The following SCML4 variants were observed in gnomAD, a reference collection of about 807,000 sequenced individuals.
The protein encoded by SCML4 is Scm polycomb group protein like 4.
Under a neutral mutation model 41.1 loss-of-function variants are expected in SCML4, and 34 were observed. The ratio of observed to expected loss-of-function variants is 0.83; its 90% CI spans 0.63 to 1.10. The LOEUF (loss-of-function observed/expected upper bound fraction) is 1.10, where lower values mean the gene tolerates loss of function less well. SCML4 is among the 50% of genes least tolerant of loss of function. The pLI is 0.00. For synonymous variants in SCML4, 214 were observed against 220.9 expected, an observed-to-expected ratio of 0.97 and a Z score of 0.28; for missense variants, 522 against 534.1, an observed-to-expected ratio of 0.98 and a Z score of 0.22.
At chr6:107,804,395 G>C (rs1371037067) in intron 1 of SCML4, among the ~76,000 whole-genome samples, 1 of 152,152 alleles carries the variant, frequency 6.6e-6, no homozygotes, top group East Asian at 1.9e-4. Context: ...TGGGATCCAG[G>C]TCTCCATTCT....
At chr6:107,761,640 T>C (rs1779605981) in intron 2 of SCML4, among the ~76,000 whole-genome samples, 1 of 152,050 alleles carries the variant, frequency 6.6e-6, no homozygotes. Flanking sequence ...TTGCATCATG[T>C]TGGCCAGGCT....
intron 3 of SCML4, 122 bp from the exon 4 acceptor site, chr6:107,747,011 CAAGGGCAAAAGTGGGGTGGATT>C: frequency 3.9e-6 from 3 of 765,762 alleles, no homozygotes; most frequent in Non-Finnish European, 6.2e-6. Context: ...GGAAAGCTGG[CAAGGGCAAAAGTGGGGTGGATT>C]CTTCCCAACT....
intron 1 of SCML4, among the ~76,000 whole-genome samples, chr6:107,779,073 C>T (rs368317374): frequency 2.0e-5 from 3 of 151,800 alleles, no homozygotes; most frequent in East Asian, 3.9e-4. Context: ...CCAGCTACTC[C>T]GGAGGCTGAG....
the SCML4 span, among the ~76,000 whole-genome samples, chr6:107,837,925 TGAGA>T: frequency 7.7e-6 from 1 of 129,160 alleles, no homozygotes; most frequent in Non-Finnish European, 1.7e-5. Context: ...TTTTTTTTTT[TGAGA>T]TGGAGTTTTG....
chr6:107,755,467 C>T (rs1221780325), intron 2 of SCML4: 2 of 280,508 alleles, frequency 7.1e-6, no homozygotes, highest in African/African-American at 2.3e-5. Flanking sequence ...AAGGGAGTCA[C>T]CCATGATTTT....
the SCML4 span, among the ~76,000 whole-genome samples, chr6:107,833,752 GA>G: frequency 6.6e-6 from 1 of 152,110 alleles, no homozygotes; most frequent in Non-Finnish European, 1.5e-5. Flanking sequence ...CTAAAAATTA[GA>G]AAAAAATTTT....
At chr6:107,785,573 G>A (rs1781824438) in intron 1 of SCML4, among the ~76,000 whole-genome samples, 1 of 152,214 alleles carries the variant, frequency 6.6e-6, no homozygotes, top group Admixed American at 6.5e-5. Context: ...CATGCTCAGA[G>A]AGGATCACAG....
At chr6:107,806,195 C>CCA (rs1554223509) in intron 1 of SCML4, among the ~76,000 whole-genome samples, 1 of 151,462 alleles carries the variant, frequency 6.6e-6, no homozygotes, top group African/African-American at 2.4e-5. Flanking sequence ...TTCCCCCCCC[C>CCA]CAATAAACAA....
At chr6:107,705,544 C>T (rs958047676) in intron 7 of SCML4, among the ~76,000 whole-genome samples, 3 of 152,134 alleles carry the variant, frequency 2.0e-5, no homozygotes, top group Admixed American at 6.5e-5. Flanking sequence ...ATTTGATACA[C>T]GGGGTGTTTC....
At chr6:107,812,004 G>A (rs887708392) in intron 1 of SCML4, among the ~76,000 whole-genome samples, 2 of 152,226 alleles carry the variant, frequency 1.3e-5, no homozygotes, top group Non-Finnish European at 2.9e-5. Flanking sequence ...CAGGGCAGAC[G>A]TTCTCTCACT....
chr6:107,842,676 G>A, the SCML4 span, among the ~76,000 whole-genome samples: 2 of 152,226 alleles, frequency 1.3e-5, no homozygotes, highest in African/African-American at 2.4e-5. Context: ...TTACAGGCAT[G>A]AGCCACTGCA....
upstream of SCML4, among the ~76,000 whole-genome samples, chr6:107,825,048 C>T (rs1473608632): frequency 6.6e-6 from 1 of 152,220 alleles, no homozygotes; most frequent in Non-Finnish European, 1.5e-5. Flanking sequence ...GTGGGACCTG[C>T]ACAGGATAGA....
chr6:107,797,042 G>A (rs1782765111), intron 1 of SCML4, among the ~76,000 whole-genome samples: 1 of 151,978 alleles, frequency 6.6e-6, no homozygotes, highest in African/African-American at 2.4e-5. Context: ...TTATACTTAT[G>A]CCAATTCCAA....
the SCML4 span, among the ~76,000 whole-genome samples, chr6:107,836,528 C>T: frequency 3.3e-5 from 5 of 152,192 alleles, no homozygotes; most frequent in African/African-American, 1.2e-4. Context: ...CTCCATGGGG[C>T]ATCCTCACTG....
intron 3 of SCML4, 125 bp downstream of exon 3, chr6:107,749,559 C>G: frequency 9.2e-7 from 1 of 1,091,156 alleles, no homozygotes; most frequent in East Asian, 2.4e-5. Flanking sequence ...GCCTAGCTAG[C>G]ACACTAAATC....
chr6:107,822,073 G>A (rs144245238), intron 1 of SCML4, among the ~76,000 whole-genome samples: 109 of 152,246 alleles, frequency 7.2e-4, no homozygotes, highest in African/African-American at 2.6e-3. Flanking sequence ...ATCCAAAATT[G>A]AGATTAAAAA....
upstream of SCML4, among the ~76,000 whole-genome samples, chr6:107,825,990 C>CA (rs1785241622): frequency 6.8e-6 from 1 of 147,964 alleles, no homozygotes; most frequent in Non-Finnish European, 1.5e-5. Context: ...TGTGGTGGCT[C>CA]ATGCCTGTAA....
chr6:107,807,988 A>C (rs1421149854), intron 1 of SCML4, among the ~76,000 whole-genome samples: 1 of 152,234 alleles, frequency 6.6e-6, no homozygotes, highest in Non-Finnish European at 1.5e-5. Context: ...GCATAAACAC[A>C]AACTTCACTG....
At chr6:107,745,647 T>C (rs1237059923) in intron 4 of SCML4, 2 of 152,864 alleles carry the variant, frequency 1.3e-5, no homozygotes, top group Non-Finnish European at 2.9e-5. Context: ...CCATGATGTT[T>C]CCCCACTGCC....
Sources: gnomAD v4.1 joint callset for allele counts (sites outside exome capture counted in the v4.1 genomes callset) on GRCh38, gnomAD v4.1.1 for gene constraint, MANE v1.5 for transcripts, NCBI Gene and HGNC (gene_info 2026-07-23, HGNC 2026-07-21) for gene names.